Variants in PARP1 observed in about 807,000 individuals in gnomAD.
The protein encoded by PARP1 is poly(ADP-ribose) polymerase 1.
A neutral mutation model predicts 118.7 loss-of-function variants in PARP1; 44 were observed. The observed-to-expected ratio is 0.37, with a 90% CI of 0.29 to 0.48. The LOEUF is 0.48. Among genes scored for constraint, PARP1 ranks in the 20% least tolerant of loss-of-function variants. The pLI, the probability that PARP1 is intolerant of heterozygous loss-of-function variation, is 0.99. For missense variants in PARP1, 1,100 were observed against 1,272.4 expected (o/e 0.86, Z 2.06); for synonymous variants, 492 against 483.2 (o/e 1.02, Z -0.24).
In PARP1 at chr1:226,381,191, T is replaced by C. The variant is rs1310892988; in HGVS notation, c.1177A>G (p.Met393Val). ...AGCTTCCCGAGAGTCAGGATCTTCATGTTGGATAATGGCTTATCTGGGATG... is the reference window on the plus strand; with the variant it reads ...AGCTTCCCGAGAGTCAGGATCTTCACGTTGGATAATGGCTTATCTGGGATG... ...SASADKPLSNMKILTLGKLSR... is the reference protein window; with the variant it reads ...SASADKPLSNVKILTLGKLSR... The change falls in exon 9 of 23, where the codon ATG (methionine) becomes GTG (valine). Residue 393 changes from methionine to valine, a missense_variant. By Grantham distance (21) the Met-to-Val change is conservative (BLOSUM62 1). Around this residue, in one of 2 missense-constraint regions of PARP1, gnomAD observed 948 missense variants for 1,031.8 expected, o/e 0.92. Transcript: ENST00000366794. 6.2e-7 allele frequency: 1 copy of C among 1,614,088 alleles called. No homozygotes were observed.
intron 15 of PARP1, among the ~76,000 whole-genome samples, chr1:226,369,221 G>A (rs1477488142): frequency 6.6e-6 from 1 of 152,242 alleles, no homozygotes; most frequent in Non-Finnish European, 1.5e-5. Context: ...TGTAACTGAA[G>A]TTGACAGATC....
chr1:226,390,837 T>C (rs894258293), intron 3 of PARP1, among the ~76,000 whole-genome samples: 13 of 152,086 alleles, frequency 8.5e-5, no homozygotes, highest in South Asian at 2.1e-4. Context: ...GTTCCTTAAA[T>C]TCCAAATGGC....
Position 226,377,198 on chromosome 1 carries a change from T to C in PARP1, c.1851A>G (p.Leu617=). The C allele has an allele frequency of 6.2e-7, 1 of 1,614,054 alleles. No homozygotes were observed. Among genetic ancestry groups the C allele is most frequent in the Non-Finnish European group, 8.5e-7 (1 of 1,179,912 alleles). The stretch of plus-strand genomic sequence containing the variant: ...AAGCGTTCCCGGTTTTTTCTTCATA[T>C]AATTTCATGAAGTGCTCAATGGCAT... ...KEDAIEHFMK[L]YEEKTGNAWH... is the part of the protein sequence containing the mutation. Residue 617 remains leucine, a synonymous_variant, in exon 13 of 23, where the codon TTA becomes TTG. Transcript: ENST00000366794.
intron 10 of PARP1, 22 bp downstream of exon 10, chr1:226,379,900 G>T (rs372277407): frequency 5.6e-6 from 9 of 1,612,728 alleles, no homozygotes; most frequent in Non-Finnish European, 7.6e-6. Context: ...TGGCCCTGGA[G>T]GGGGCAGCTT....
At chr1:226,364,889 A>T in intron 19 of PARP1, 113 bp downstream of exon 19, 1 of 1,202,478 alleles carries the variant, frequency 8.3e-7, no homozygotes, top group Non-Finnish European at 1.2e-6. Context: ...AGGCCCAAAG[A>T]AAGGATGTCT....
At chr1:226,379,414 G>A (rs1664559565) in intron 11 of PARP1, 140 bp from the exon 12 acceptor site, 6 of 1,249,094 alleles carry the variant, frequency 4.8e-6, no homozygotes, top group Non-Finnish European at 7.1e-6. Context: ...ACAAATGTGT[G>A]TTCTCAGGAC....
In PARP1 at chr1:226,362,035, C is replaced by T. The variant is rs751844182; in HGVS notation, c.2897G>A (p.Gly966Asp). Residue 966 changes from glycine to aspartate, a missense_variant, in exon 22 of 23, where the codon GGT (glycine) becomes GAT (aspartate). Physicochemically the swap from Gly to Asp is moderately conservative, Grantham distance 94. Around this residue, in one of 2 missense-constraint regions of PARP1, gnomAD observed 152 missense variants for 240.6 expected, o/e 0.63. Transcript: ENST00000366794. ...CCCGGTCCCAAGAGGAACGTCTACA[C>T]CATCCAGACTAATGTTAGCTGAAGG... Reference protein sequence around the residue: ...PDPSANISLDGVDVPLGTGIS... With the variant: ...PDPSANISLDDVDVPLGTGIS... 3.7e-6 allele frequency: 6 copies of T among 1,613,916 alleles called. No individual in the cohort carries two copies. The South Asian group carries it at 6.6e-5, about 18-fold the overall frequency.
chr1:226,381,261 C>T lies in PARP1; in HGVS notation c.1160-53G>A. ...CAAGGCCAGCTCTGGTGCTGCTCCC[C>T]AGTAAGGGGAGGTGGAGGAGCAGGT... On this transcript the variant is annotated intron_variant, in intron 8 of 22. Coordinates refer to ENST00000366794, the MANE Select transcript of PARP1 (RefSeq NM_001618.4). The T allele has an allele frequency of 1.9e-6, 3 of 1,610,848 alleles. No homozygotes were observed. The South Asian group carries it at 3.3e-5, about 18-fold the overall frequency.
intron 18 of PARP1, 23 bp from the exon 19 acceptor site, chr1:226,365,177 G>A: frequency 6.2e-7 from 1 of 1,613,864 alleles, no homozygotes; most frequent in Non-Finnish European, 8.5e-7. Context: ...GTAAACAAAG[G>A]GAAGGACAAA....
chr1:226,367,658 CAG>C (rs745582006), intron 16 of PARP1, 50 bp from the exon 17 acceptor site: 20 of 1,608,618 alleles, frequency 1.2e-5, no homozygotes, highest in Non-Finnish European at 1.7e-5. Flanking sequence ...GTGAATGAGA[CAG>C]ACTCACCCAG....
In PARP1 at chr1:226,382,900, C is replaced by A. The variant is rs530588721; in HGVS notation, c.1159+136G>T. Reference sequence around the variant, plus strand: ...GAGAAGAGGCCTATCCCCTGCAGGGCAAGGCTTCCCCATGGTGGGGTCAGC... The same window carrying A: ...GAGAAGAGGCCTATCCCCTGCAGGGAAAGGCTTCCCCATGGTGGGGTCAGC... On this transcript the variant is annotated intron_variant, in intron 8 of 22. Coordinates refer to ENST00000366794, the MANE Select transcript of PARP1 (RefSeq NM_001618.4). 8.3e-6 allele frequency: 8 copies of A among 960,060 alleles called. No homozygotes were observed. The African/African-American group carries it at 1.1e-4, about 13-fold the overall frequency. The allele number at this position is 960,060 out of a possible 1,614,324, so 59.5% of individuals were successfully genotyped here.
intron 7 of PARP1, 119 bp from the exon 8 acceptor site, chr1:226,383,302 A>G: frequency 2.5e-6 from 2 of 812,900 alleles, no homozygotes. Flanking sequence ...CTTACAATAA[A>G]GAGTAACAAA....
intron 8 of PARP1, 37 bp downstream of exon 8, chr1:226,382,999 C>T: frequency 6.2e-7 from 1 of 1,610,102 alleles, no homozygotes; most frequent in Non-Finnish European, 8.5e-7. Flanking sequence ...ACAATTCCTG[C>T]AAAGCAGCTC....
chr1:226,380,072 A>T lies in PARP1; in HGVS notation c.1393T>A (p.Ser465Thr). The T allele has an allele frequency of 5.0e-6, 8 of 1,614,210 alleles. No individual in the cohort carries two copies. The highest frequency in any genetic ancestry group is 6.8e-6 in the Non-Finnish European group (8 of 1,180,030). The change falls in exon 10 of 23, where the codon TCC becomes ACC. Residue 465 changes from serine to threonine, a missense_variant. By Grantham distance (58) the Ser-to-Thr change is moderately conservative (BLOSUM62 1). This residue lies in a region of PARP1 where 948 missense variants were observed against 1,031.8 expected (regional missense o/e 0.92). Coordinates refer to ENST00000366794, the MANE Select transcript of PARP1 (RefSeq NM_001618.4). ...AACAACTCCTGAAGGCTCTTGGTGG[A>T]GGCGGAGACGTCCTGGAGGAAGTCC... ...SEDFLQDVSA[S>T]TKSLQELFLA...
In PARP1 at chr1:226,367,573, G is replaced by C; in HGVS notation, c.2313C>G (p.Ile771Met). The part of the protein sequence containing the change: ...KVEMLDNLLD[I>M]EVAYSLLRGG... ...CCCTGAGCAGACTGTAGGCCACCTC[G>C]ATGTCCAGCAGGTTGTCAAGCATTT... is the stretch of plus-strand genomic sequence containing the variant. Residue 771 changes from isoleucine to methionine, a missense_variant, in exon 17 of 23, where the codon ATC (isoleucine) becomes ATG (methionine). By Grantham distance (10) the Ile-to-Met change is conservative. This residue lies in a region of PARP1 where 948 missense variants were observed against 1,031.8 expected (regional missense o/e 0.92). Transcript: ENST00000366794. 1 of 1,614,114 alleles carries C rather than the reference G, an allele frequency of 6.2e-7. No homozygotes were observed. Among genetic ancestry groups the C allele is most frequent in the Admixed American group, 1.7e-5 (1 of 60,018 alleles).
chr1:226,405,629 T>A lies in PARP1; in HGVS notation c.120+2181A>T, dbSNP rs151026927. Among the ~76,000 whole-genome samples, 1,001 of 152,052 alleles carry A rather than the reference T, an allele frequency of 6.6e-3. 14 individuals carry two copies. Among genetic ancestry groups the A allele is most frequent in the African/African-American group, 0.023 (951 of 41,470 alleles). Reference sequence around the variant, plus strand: ...CCCCAGAATGCTAAACTTGATCAGGTTCAGTTTCCTCCATCCGGCCTCCCC... The same window carrying A: ...CCCCAGAATGCTAAACTTGATCAGGATCAGTTTCCTCCATCCGGCCTCCCC... On this transcript the variant is annotated intron_variant, in intron 1 of 22. Coordinates refer to ENST00000366794, the MANE Select transcript of PARP1 (RefSeq NM_001618.4).
At position 226,408,056 on chromosome 1, in the gene PARP1, A is replaced by G. The variant is rs1025389107; in HGVS notation, c.-127T>C. 1.5e-6 allele frequency: 2 copies of G among 1,342,668 alleles called. No individual in the cohort carries two copies. Among genetic ancestry groups the G allele is most frequent in the African/African-American group, 2.9e-5 (2 of 69,314 alleles). The allele number at this position is 1,342,668 out of a possible 1,614,324, so 83.2% of individuals were successfully genotyped here. On this transcript the variant is annotated 5_prime_UTR_variant, in exon 1 of 23. Transcript: ENST00000366794. ...TGAGCGGCCAGAGCCGCCACCGAAC[A>G]CGCCGCACCGGCCACCGCCGTTCCC...
At chr1:226,383,215 A>C in intron 7 of PARP1, 32 bp from the exon 8 acceptor site, 3 of 1,604,120 alleles carry the variant, frequency 1.9e-6, no homozygotes, top group South Asian at 1.1e-5. Flanking sequence ...TTAAGAAGCC[A>C]GCTCTCCCTT....
rs200485374 is a variant in PARP1, at chr1:226,379,260, C to T, written c.1627G>A (p.Ala543Thr). The T allele has an allele frequency of 1.2e-6, 2 of 1,614,254 alleles. No individual in the cohort carries two copies. Among genetic ancestry groups the T allele is most frequent in the Admixed American group, 1.7e-5 (1 of 60,034 alleles). ...TTCCCACCTTTCTCCAGGACATGCG[C>T]AGAGTGTTCCAGTCCTGTCCCAGAG... ...VDPDSGLEHS[A>T]HVLEKGGKVF... Residue 543 changes from alanine to threonine, a missense_variant, in exon 12 of 23, where the codon GCG (alanine) becomes ACG (threonine). This residue lies in a region of PARP1 where 948 missense variants were observed against 1,031.8 expected (regional missense o/e 0.92). Transcript: ENST00000366794.
Sources: allele counts gnomAD v4.1 joint callset (sites outside exome capture counted in the v4.1 genomes callset), GRCh38; gene constraint gnomAD v4.1.1; regional missense constraint gnomAD v4.1.1; transcripts MANE v1.5; gene names NCBI Gene and HGNC (gene_info 2026-07-23, HGNC 2026-07-21).